The following PATJ variants were observed in gnomAD, a reference collection of about 807,000 sequenced individuals.
PATJ encodes inaD-like protein.
A neutral mutation model predicts 224.9 loss-of-function variants in PATJ; 190 were observed. That is an observed-to-expected ratio of 0.84 (90% CI 0.75 to 0.95). The LOEUF (loss-of-function observed/expected upper bound fraction) is 0.95. PATJ is among the 40% of genes least tolerant of loss of function. The pLI, the probability that PATJ is intolerant of heterozygous loss-of-function variation, is 0.00. For missense variants in PATJ, 2,121 were observed against 2,270.3 expected (o/e 0.93, Z 1.34); for synonymous variants, 769 against 820.3 (o/e 0.94, Z 1.07).
chr1:62,024,114 T>C (rs1281562076), intron 29 of PATJ, among the ~76,000 whole-genome samples: 1 of 152,152 alleles, frequency 6.6e-6, no homozygotes, highest in Non-Finnish European at 1.5e-5. Flanking sequence ...ATTTTGTTGA[T>C]GATTTTTGCT....
rs1482406043 is a variant in PATJ at position 61,927,742 on chromosome 1, G to A, written c.3583G>A (p.Ala1195Thr). The A allele has an allele frequency of 1.2e-6, 2 of 1,612,724 alleles. No individual in the cohort carries two copies. Among genetic ancestry groups the A allele is most frequent in the Admixed American group, 1.7e-5 (1 of 59,848 alleles). ...QEKKEKRQGT[A>T]PPPMKLPPPY... ...TTTGCATCTTCAGAGGCAAGGAACT[G>A]CTCCACCGCCAATGAAACTTCCTCC... The change falls in exon 27 of 44, where the codon GCT (alanine) becomes ACT (threonine). Residue 1195 changes from alanine (A) to threonine (T), a missense_variant. Physicochemically the swap from Ala to Thr is moderately conservative, Grantham distance 58 (BLOSUM62 0). Coordinates refer to ENST00000642238, the MANE Select transcript of PATJ (RefSeq NM_001350145.3).
intron 20 of PATJ, among the ~76,000 whole-genome samples, chr1:61,874,151 G>A (rs181448506): frequency 3.3e-5 from 5 of 151,884 alleles, no homozygotes; most frequent in Non-Finnish European, 7.4e-5. Context: ...TGGAAGAGTG[G>A]AATGAGCTCC....
intron 27 of PATJ, among the ~76,000 whole-genome samples, chr1:61,985,472 T>C (rs1452628801): frequency 6.6e-6 from 1 of 152,106 alleles, no homozygotes; most frequent in Non-Finnish European, 1.5e-5. Context: ...ACATTTACTA[T>C]TTTACCGTCT....
At chr1:62,083,041 G>C (rs1659479990) in intron 32 of PATJ, among the ~76,000 whole-genome samples, 1 of 152,132 alleles carries the variant, frequency 6.6e-6, no homozygotes, top group South Asian at 2.1e-4. Context: ...ACTATGATTT[G>C]TATGAGCATC....
chr1:61,744,832 T>A (rs542941898), intron 1 of PATJ, among the ~76,000 whole-genome samples: 1 of 152,322 alleles, frequency 6.6e-6, no homozygotes, highest in South Asian at 2.1e-4. Context: ...TTACCCCGGC[T>A]TCTGACTAAC....
chr1:61,974,320 G>C (rs1643994781), intron 27 of PATJ, among the ~76,000 whole-genome samples: 1 of 148,536 alleles, frequency 6.7e-6, no homozygotes. Context: ...CTTGAACTTT[G>C]TCATTGTAAA....
chr1:61,768,710 G>C lies in PATJ; in HGVS notation c.385-573G>C, dbSNP rs142293624. 2.2e-3 allele frequency among the ~76,000 whole-genome samples: 333 copies of C among 151,282 alleles called. 1 individual carries two copies. Among genetic ancestry groups the C allele is most frequent in the African/African-American group, 7.7e-3 (319 of 41,208 alleles). ...AGCTCAGGAGTTTGAGACCAGCCTG[G>C]GCAACATGGCGAAACCCCGTCTCCA... On this transcript the variant is annotated intron_variant, in intron 4 of 43. Transcript: ENST00000642238.
chr1:61,797,259 C>G, intron 10 of PATJ, 28 bp from the exon 11 acceptor site: 3 of 1,593,864 alleles, frequency 1.9e-6, no homozygotes, highest in Non-Finnish European at 2.6e-6. Flanking sequence ...TTTAAAACCT[C>G]TGCTTAATGT....
intron 21 of PATJ, among the ~76,000 whole-genome samples, chr1:61,881,320 CT>C (rs1404762587): frequency 6.6e-6 from 1 of 151,960 alleles, no homozygotes; most frequent in African/African-American, 2.4e-5. Flanking sequence ...GGGAAGGACC[CT>C]GAATTTGACC....
At chr1:62,111,817 G>A (rs916820847) in intron 34 of PATJ, among the ~76,000 whole-genome samples, 1 of 151,848 alleles carries the variant, frequency 6.6e-6, no homozygotes, top group African/African-American at 2.4e-5. Context: ...CCTGCCACCA[G>A]GCTTGGCTAA....
chr1:61,766,145 CTA>C, intron 3 of PATJ, 132 bp from the exon 4 acceptor site: 1 of 594,308 alleles, frequency 1.7e-6, no homozygotes, highest in Non-Finnish European at 2.7e-6. Context: ...CAGATTTGAT[CTA>C]TCTTTACCTT....
chr1:62,123,798 A>G (rs1665388392), intron 39 of PATJ, among the ~76,000 whole-genome samples: 1 of 110,154 alleles, frequency 9.1e-6, no homozygotes, highest in African/African-American at 4.2e-5. Flanking sequence ...AAGTTTCTTA[A>G]CCAGTTTCCT....
At chr1:61,936,324 A>C (rs1032135036) in intron 27 of PATJ, among the ~76,000 whole-genome samples, 19 of 151,392 alleles carry the variant, frequency 1.3e-4, no homozygotes, top group Non-Finnish European at 1.5e-5. Flanking sequence ...CCCTTCTTGC[A>C]AAAAATATTC....
intron 29 of PATJ, among the ~76,000 whole-genome samples, chr1:62,030,554 A>G (rs1311560008): frequency 6.7e-6 from 1 of 148,172 alleles, no homozygotes; most frequent in African/African-American, 2.4e-5. Flanking sequence ...TCAGTGCAAT[A>G]GATTTTATGT....
chr1:61,944,807 T>C (rs1678404340), intron 27 of PATJ, among the ~76,000 whole-genome samples: 1 of 151,722 alleles, frequency 6.6e-6, no homozygotes, highest in Non-Finnish European at 1.5e-5. Flanking sequence ...AAGGAAAAAA[T>C]GTTAAGGGCA....
intron 23 of PATJ, among the ~76,000 whole-genome samples, chr1:61,899,959 C>T (rs895046958): frequency 1.3e-5 from 2 of 152,144 alleles, no homozygotes; most frequent in Non-Finnish European, 2.9e-5. Context: ...GCCTTGAATG[C>T]AGTAAAGCTT....
At chr1:62,055,053 CA>C (rs1433324850) in intron 31 of PATJ, among the ~76,000 whole-genome samples, 1 of 149,126 alleles carries the variant, frequency 6.7e-6, no homozygotes, top group East Asian at 2.0e-4. Context: ...GACTGTGTCT[CA>C]AAAAAAAGAA....
chr1:61,775,033 G>A (rs542654595), intron 6 of PATJ, among the ~76,000 whole-genome samples, 173 bp from the exon 7 acceptor site: 1 of 152,242 alleles, frequency 6.6e-6, no homozygotes, highest in African/African-American at 2.4e-5. Context: ...CTACGGTCAG[G>A]GACCATATGA....
At chr1:61,783,463 C>T (rs1647800988) in intron 7 of PATJ, among the ~76,000 whole-genome samples, 1 of 131,174 alleles carries the variant, frequency 7.6e-6, no homozygotes, top group African/African-American at 2.9e-5. Flanking sequence ...GAGTCTTGCT[C>T]TGTCACTTTG....
Sources: allele counts gnomAD v4.1 joint callset (sites outside exome capture counted in the v4.1 genomes callset), GRCh38; gene constraint gnomAD v4.1.1; transcripts MANE v1.5; gene names NCBI Gene and HGNC (gene_info 2026-07-23, HGNC 2026-07-21).